Variants in CBFA2T3 observed in about 807,000 individuals in gnomAD.
CBFA2T3 encodes CBFA2/RUNX1 partner transcriptional co-repressor 3.
A neutral mutation model predicts 58.6 loss-of-function variants in CBFA2T3; 31 were observed. The ratio of observed to expected loss-of-function variants is 0.53; its 90% CI spans 0.40 to 0.71. The LOEUF (loss-of-function observed/expected upper bound fraction) is 0.71. Among genes scored for constraint, CBFA2T3 ranks in the 30% least tolerant of loss-of-function variants. The probability of loss-of-function intolerance (pLI) is 0.00; values close to 1 mark genes in which losing one functional copy is unlikely to be tolerated. For synonymous variants in CBFA2T3, 531 were observed against 421.9 expected (o/e 1.26, Z -3.17); for missense variants, 1,076 against 963.1 (o/e 1.12, Z -1.55).
rs572848101 is a variant in CBFA2T3 at position 88,934,983 on chromosome 16, A to G, written c.152-33327T>C. On this transcript the variant is annotated intron_variant, in intron 1 of 11. Coordinates refer to ENST00000268679, the MANE Select transcript of CBFA2T3 (RefSeq NM_005187.6). ...TCTCGATCTCCTGACCTCGTGATCC[A>G]CCCGCCTTGGCCTCCCAAAGTGCTG... is the stretch of plus-strand genomic sequence containing the variant. Among the ~76,000 whole-genome samples the G allele has an allele frequency of 6.5e-4, 98 of 151,870 alleles. 2 individuals are homozygous for G. The East Asian group carries it at 0.016, about 24-fold the overall frequency.
Position 88,875,641 on chromosome 16 carries a change from T to C in CBFA2T3, c.*1335A>G, listed in dbSNP as rs1433919059. On this transcript the variant is annotated 3_prime_UTR_variant, in exon 12 of 12. Transcript: ENST00000268679. ...GCTGGGGTGAGGGGGCCGAGAGAGG[T>C]CGGAGGGCGCGGAGAGGAGAGAGGT... The C allele has an allele frequency of 4.3e-6, 1 of 231,608 alleles. No homozygotes were observed. Among genetic ancestry groups the C allele is most frequent in the Non-Finnish European group, 8.5e-6 (1 of 117,596 alleles). 14.3% of individuals were successfully genotyped at this position (231,608 alleles called of 1,614,324 possible).
At chr16:88,915,056 C>G (rs1014027219) in intron 1 of CBFA2T3, among the ~76,000 whole-genome samples, 5 of 151,486 alleles carry the variant, frequency 3.3e-5, no homozygotes, top group Non-Finnish European at 5.9e-5. Context: ...AGCACTGGCC[C>G]TGGCACCCTG....
intron 1 of CBFA2T3, among the ~76,000 whole-genome samples, chr16:88,915,681 G>A (rs1416207990): frequency 1.2e-5 from 1 of 80,706 alleles, no homozygotes; most frequent in African/African-American, 5.0e-5. Flanking sequence ...TGTGGAGGGG[G>A]AGCGTCGACG....
intron 8 of CBFA2T3, among the ~76,000 whole-genome samples, chr16:88,882,160 G>A (rs945726014): frequency 6.6e-5 from 10 of 152,374 alleles, no homozygotes; most frequent in East Asian, 3.9e-4. Context: ...GGACCCAGCC[G>A]CTGCGCAGGG....
intron 1 of CBFA2T3, among the ~76,000 whole-genome samples, chr16:88,927,948 C>T (rs1270775630): frequency 3.3e-5 from 5 of 152,208 alleles, no homozygotes; most frequent in East Asian, 1.9e-4. Context: ...CAGTGTGGGG[C>T]GTCCTCTGAA....
rs552976523 is a variant in CBFA2T3 at position 88,920,061 on chromosome 16, C to A, written c.152-18405G>T. 1.3e-4 allele frequency among the ~76,000 whole-genome samples: 20 copies of A among 152,374 alleles called. No homozygotes were observed. In the East Asian group the frequency reaches 3.3e-3, roughly 25 times the overall value. On this transcript the variant is annotated intron_variant, in intron 1 of 11. Coordinates refer to ENST00000268679, the MANE Select transcript of CBFA2T3 (RefSeq NM_005187.6). ...GATTCAACCCGCTCCCTGGGGTGGG[C>A]GTTCCTGCCTCCCTCCTTCCCCAGA...
chr16:88,945,525 A>G (rs1021485976), intron 1 of CBFA2T3, among the ~76,000 whole-genome samples: 1 of 152,278 alleles, frequency 6.6e-6, no homozygotes, highest in Non-Finnish European at 1.5e-5. Flanking sequence ...ACACCTCATC[A>G]GAGAAGAGAT....
intron 1 of CBFA2T3, chr16:88,939,192 CA>C (rs35487648): frequency 0.28 from 42,498 of 152,144 alleles, 6,963 homozygotes; most frequent in Middle Eastern, 0.51. Context: ...GGGAAGAGCT[CA>C]GGGGGGCTCG....
rs1445662364 is a variant in CBFA2T3 at position 88,953,179 on chromosome 16, C to T, written c.151+23478G>A. The stretch of plus-strand genomic sequence containing the variant: ...GAGGAGTGCCGTGCCTGGGCTGGGC[C>T]ATCGCCTCTCTCCCTCGGCTGGGTT... On this transcript the variant is annotated intron_variant, in intron 1 of 11. Transcript: ENST00000268679. The surrounding 1 kb of genome is among the most constrained non-coding windows in gnomAD (Gnocchi z 4.9). 3.3e-5 allele frequency among the ~76,000 whole-genome samples: 5 copies of T among 152,246 alleles called. No homozygotes were observed. In the East Asian group the frequency reaches 9.6e-4, roughly 29 times the overall value.
At chr16:88,915,409 G>T (rs1458724428) in intron 1 of CBFA2T3, among the ~76,000 whole-genome samples, 1 of 48,906 alleles carries the variant, frequency 2.0e-5, no homozygotes, top group Non-Finnish European at 4.1e-5. Flanking sequence ...GGAGCGTGGA[G>T]GGGGGAGCGT....
intron 1 of CBFA2T3, among the ~76,000 whole-genome samples, chr16:88,955,673 C>G (rs371330847): frequency 6.9e-4 from 1 of 1,442 alleles, no homozygotes; most frequent in African/African-American, 4.0e-3. Flanking sequence ...CCTGACCTCA[C>G]CCAAGGCTCC....
intron 1 of CBFA2T3, among the ~76,000 whole-genome samples, chr16:88,969,160 G>A (rs753302568): frequency 1.4e-4 from 22 of 152,204 alleles, no homozygotes; most frequent in South Asian, 2.1e-4. Flanking sequence ...CGGGGTCACC[G>A]CCATCTGGAG....
chr16:88,904,914 G>A (rs1970246312), intron 1 of CBFA2T3, among the ~76,000 whole-genome samples: 3 of 152,210 alleles, frequency 2.0e-5, no homozygotes, highest in African/African-American at 7.2e-5. Flanking sequence ...CCCTGCCTTG[G>A]CAAGCAAGGA....
chr16:88,904,892 G>A (rs559572080), intron 1 of CBFA2T3, among the ~76,000 whole-genome samples: 2 of 152,294 alleles, frequency 1.3e-5, no homozygotes, highest in African/African-American at 4.8e-5. Flanking sequence ...AGATGACGCG[G>A]AGTTCCCCAC....
At chr16:88,903,553 T>G (rs1359580222) in intron 1 of CBFA2T3, among the ~76,000 whole-genome samples, 3 of 149,252 alleles carry the variant, frequency 2.0e-5, no homozygotes, top group South Asian at 2.2e-4. Context: ...GCCACAGCTG[T>G]GGGGGCCATC....
intron 1 of CBFA2T3, chr16:88,940,250 G>C (rs1049946647): frequency 1.3e-4 from 20 of 155,648 alleles, no homozygotes; most frequent in Non-Finnish European, 2.6e-4. Context: ...GGACGCAGGG[G>C]CGGGGGAGCG....
chr16:88,933,310 G>A (rs924364977), intron 1 of CBFA2T3, among the ~76,000 whole-genome samples: 6 of 141,212 alleles, frequency 4.2e-5, no homozygotes, highest in African/African-American at 1.1e-4. Context: ...GCCTCTATAC[G>A]CCTCACACGC....
intron 1 of CBFA2T3, chr16:88,951,055 T>G: frequency 2.6e-6 from 1 of 387,234 alleles, no homozygotes. Flanking sequence ...TTGGCACCTG[T>G]CTTCCGGATC....
At chr16:88,924,643 C>T (rs952172854) in intron 1 of CBFA2T3, among the ~76,000 whole-genome samples, 1 of 152,196 alleles carries the variant, frequency 6.6e-6, no homozygotes, top group African/African-American at 2.4e-5. Flanking sequence ...CTTGTGGCTC[C>T]CAGAGGCAGA....
Sources: allele counts gnomAD v4.1 joint callset (sites outside exome capture counted in the v4.1 genomes callset), GRCh38; gene constraint gnomAD v4.1.1; non-coding constraint Gnocchi (gnomAD v3.1); transcripts MANE v1.5; gene names NCBI Gene and HGNC (gene_info 2026-07-23, HGNC 2026-07-21).